Variants in TOX2 observed in about 807,000 individuals in gnomAD.
The protein encoded by TOX2 is TOX high mobility group box family member 2.
A neutral mutation model predicts 47.4 loss-of-function variants in TOX2; 15 were observed. That is an observed-to-expected ratio of 0.32 (90% CI 0.21 to 0.49). The LOEUF is 0.49. TOX2 is among the 20% of genes least tolerant of loss of function. The pLI, the probability that TOX2 is intolerant of heterozygous loss-of-function variation, is 0.99. For synonymous variants in TOX2, 290 were observed against 296.6 expected (o/e 0.98, Z 0.23); for missense variants, 622 against 673.1 (o/e 0.92, Z 0.84).
chr20:44,012,745 A>C (rs1289078988), intron 3 of TOX2, among the ~76,000 whole-genome samples: 1 of 152,216 alleles, frequency 6.6e-6, no homozygotes, highest in East Asian at 1.9e-4. Context: ...GACATACTAG[A>C]CAAGTATATG....
intron 3 of TOX2, among the ~76,000 whole-genome samples, chr20:44,009,804 G>A (rs571814647): frequency 2.0e-5 from 3 of 152,266 alleles, no homozygotes; most frequent in African/African-American, 7.2e-5. Context: ...GGGCCAGGTG[G>A]GCACTTTGTC....
intron 5 of TOX2, among the ~76,000 whole-genome samples, chr20:44,062,404 A>AATGAATG (rs2071736789): frequency 1.1e-4 from 16 of 144,996 alleles, no homozygotes; most frequent in African/African-American, 3.0e-4. Context: ...ATAAATAAAT[A>AATGAATG]AATGAATAAA....
At chr20:44,038,322 G>A (rs533245147) in intron 3 of TOX2, among the ~76,000 whole-genome samples, 1 of 152,270 alleles carries the variant, frequency 6.6e-6, no homozygotes, top group Admixed American at 6.5e-5. Flanking sequence ...CCTGAGCCTG[G>A]GAGGTGGAGG....
At chr20:43,919,326 A>T (rs1313230855) in intron 1 of TOX2, among the ~76,000 whole-genome samples, 1 of 152,204 alleles carries the variant, frequency 6.6e-6, no homozygotes, top group African/African-American at 2.4e-5. Flanking sequence ...TATGGGTGAA[A>T]TATATGGTAT....
Position 44,051,392 on chromosome 20 carries a change from C to G in TOX2, c.498C>G (p.Ser166Arg). Residue 166 changes from serine to arginine, a missense_variant, in exon 4 of 9, where the codon AGC (serine) becomes AGG (arginine). Physicochemically the swap from Ser to Arg is moderately radical, Grantham distance 110 (BLOSUM62 -1). Transcript: ENST00000341197. ...TGGGTCGCCCGGCAATGCTGGCCAG[C>G]CACATGAGTGCCCTCAGCCAGTCCC... The part of the protein sequence containing the change: ...PLLGRPAMLA[S>R]HMSALSQSQL... 1 of 1,614,066 alleles carries G rather than the reference C, an allele frequency of 6.2e-7. No individual in the cohort carries two copies. Among genetic ancestry groups the G allele is most frequent in the Non-Finnish European group, 8.5e-7 (1 of 1,179,990 alleles).
At chr20:44,024,639 T>A (rs2071031319) in intron 3 of TOX2, among the ~76,000 whole-genome samples, 1 of 152,114 alleles carries the variant, frequency 6.6e-6, no homozygotes. Context: ...ATGGCACATG[T>A]TCACTGTGAA....
chr20:43,965,317 C>A (rs1391979535), intron 1 of TOX2, among the ~76,000 whole-genome samples: 1 of 152,156 alleles, frequency 6.6e-6, no homozygotes, highest in Non-Finnish European at 1.5e-5. Flanking sequence ...TTGTTTGCAG[C>A]TTGGGACTGT....
At chr20:44,041,844 G>A (rs2071335416) in intron 3 of TOX2, among the ~76,000 whole-genome samples, 1 of 152,158 alleles carries the variant, frequency 6.6e-6, no homozygotes, top group South Asian at 2.1e-4. Flanking sequence ...ATAAAGAAAA[G>A]TCACTGGACA....
intron 2 of TOX2, among the ~76,000 whole-genome samples, chr20:43,973,951 G>A (rs1005055962): frequency 6.6e-6 from 1 of 152,174 alleles, no homozygotes; most frequent in Non-Finnish European, 1.5e-5. Flanking sequence ...TCATTCCTGG[G>A]CAAGGCTGTC....
intron 2 of TOX2, among the ~76,000 whole-genome samples, chr20:44,002,762 A>G (rs953013578): frequency 6.6e-6 from 1 of 152,114 alleles, no homozygotes; most frequent in African/African-American, 2.4e-5. Flanking sequence ...CGGCAGGAGA[A>G]TGAGAGAGAG....
At chr20:44,006,016 G>T (rs899485928) in intron 2 of TOX2, among the ~76,000 whole-genome samples, 2 of 152,182 alleles carry the variant, frequency 1.3e-5, no homozygotes, top group Non-Finnish European at 2.9e-5. Context: ...CTCCTGCAAG[G>T]ATGTTTGTGC....
At chr20:43,993,970 T>C (rs897903298) in intron 2 of TOX2, among the ~76,000 whole-genome samples, 2 of 151,806 alleles carry the variant, frequency 1.3e-5, no homozygotes, top group Non-Finnish European at 2.9e-5. Flanking sequence ...CTGGGCAATA[T>C]AGCAAGACCC....
chr20:44,011,347 C>T (rs2070775092), intron 3 of TOX2, among the ~76,000 whole-genome samples: 1 of 152,152 alleles, frequency 6.6e-6, no homozygotes, highest in Non-Finnish European at 1.5e-5. Context: ...CTACAAGATG[C>T]CCTTGAGGGA....
intron 1 of TOX2, among the ~76,000 whole-genome samples, chr20:43,922,910 ACTGGGTGAATGGCT>A (rs2069126052): frequency 6.6e-6 from 1 of 152,194 alleles, no homozygotes; most frequent in Non-Finnish European, 1.5e-5. Context: ...AGTTTTATTT[ACTGGGTGAATGGCT>A]ATGTGGATTT....
At position 43,942,685 on chromosome 20, in the gene TOX2, CAATA is replaced by C. The variant is rs751223628; in HGVS notation, c.99+27709_99+27712del. Among the ~76,000 whole-genome samples, 249 of 151,392 alleles carry C rather than the reference CAATA, an allele frequency of 1.6e-3. 1 individual carries two copies. Among genetic ancestry groups the C allele is most frequent in the Non-Finnish European group, 3.1e-3 (212 of 67,874 alleles). On this transcript the variant is annotated intron_variant, in intron 1 of 8. Coordinates refer to ENST00000341197, the MANE Select transcript of TOX2 (RefSeq NM_001098797.2). ...TGGGCAATAGAGGGAGACCCTGTCTCAATAAATAAATAAATAAGAGAAAAAAGAA... is the reference window on the plus strand; with the variant it reads ...TGGGCAATAGAGGGAGACCCTGTCTCAATAAATAAATAAGAGAAAAAAGAA...
chr20:43,943,690 T>C (rs2069430231), intron 1 of TOX2, among the ~76,000 whole-genome samples: 1 of 152,250 alleles, frequency 6.6e-6, no homozygotes, highest in South Asian at 2.1e-4. Flanking sequence ...TAAATGAGAC[T>C]TGAAAGATTT....
intron 1 of TOX2, among the ~76,000 whole-genome samples, chr20:43,927,664 CCTTCCTTCCTTT>C (rs1221572759): frequency 8.5e-6 from 1 of 117,854 alleles, no homozygotes; most frequent in Non-Finnish European, 1.6e-5. Context: ...CCTTCCCCTT[CCTTCCTTCCTTT>C]CTTCCTTCCT....
chr20:44,021,452 T>C (rs1159713315), intron 3 of TOX2, among the ~76,000 whole-genome samples: 1 of 152,112 alleles, frequency 6.6e-6, no homozygotes, highest in Non-Finnish European at 1.5e-5. Context: ...AGGACTCCTC[T>C]TCTCCTTTGG....
intron 3 of TOX2, among the ~76,000 whole-genome samples, chr20:44,009,776 G>A (rs2070749102): frequency 6.6e-6 from 1 of 152,172 alleles, no homozygotes; most frequent in African/African-American, 2.4e-5. Context: ...GGGATTTATG[G>A]TAATACAAAC....
Sources: gnomAD v4.1 joint callset for allele counts (sites outside exome capture counted in the v4.1 genomes callset) on GRCh38, gnomAD v4.1.1 for gene constraint, MANE v1.5 for transcripts, NCBI Gene and HGNC (gene_info 2026-07-23, HGNC 2026-07-21) for gene names.